Variants in ZNF516 observed in about 807,000 individuals in gnomAD.
The protein encoded by ZNF516 is zinc finger protein 516.
Under a neutral mutation model 79.7 loss-of-function variants are expected in ZNF516, and 19 were observed. The ratio of observed to expected loss-of-function variants is 0.24; its 90% CI spans 0.17 to 0.35. The LOEUF (loss-of-function observed/expected upper bound fraction) is 0.35, where lower values mean the gene tolerates loss of function less well. ZNF516 is among the 10% of genes least tolerant of loss of function. The pLI is 1.00. For synonymous variants in ZNF516, 877 were observed against 739.5 expected, an observed-to-expected ratio of 1.19 and a Z score of -3.02; for missense variants, 1,678 against 1,679.5, an observed-to-expected ratio of 1.00 and a Z score of 0.02.
intron 1 of ZNF516, among the ~76,000 whole-genome samples, chr18:76,466,751 G>A (rs1388261319): frequency 1.3e-5 from 2 of 152,214 alleles, no homozygotes; most frequent in African/African-American, 4.8e-5. Context: ...AAGTAGAGAA[G>A]GGACCCTGGA....
rs933820083 is a variant in ZNF516, at chr18:76,459,212, C to T, written c.-158+3816G>A. Among the ~76,000 whole-genome samples the T allele has an allele frequency of 6.6e-6, 1 of 152,232 alleles. No individual in the cohort carries two copies. The highest frequency in any genetic ancestry group is 1.9e-4 in the East Asian group (1 of 5,196). On this transcript the variant is annotated intron_variant, in intron 2 of 6. Transcript: ENST00000443185. The surrounding 1 kb of genome is among the most constrained non-coding windows in gnomAD (Gnocchi z 5.0). ...GCCCACCTGCTGCCCCTCTCCTGTG[C>T]ATAGGGCGCTCTCTCCCTGCCCCGA...
chr18:76,407,360 G>A (rs1875117280), intron 3 of ZNF516, among the ~76,000 whole-genome samples: 1 of 152,228 alleles, frequency 6.6e-6, no homozygotes, highest in South Asian at 2.1e-4. Context: ...AGGAGATCAA[G>A]GTTGCAGTGA....
At chr18:76,377,136 T>A (rs2074799728) in intron 4 of ZNF516, among the ~76,000 whole-genome samples, 1 of 152,224 alleles carries the variant, frequency 6.6e-6, no homozygotes, top group Admixed American at 6.5e-5. Flanking sequence ...TCAATCCACA[T>A]GGCACTGCGC....
intron 1 of ZNF516, chr18:76,492,631 A>G: frequency 1.3e-6 from 1 of 779,684 alleles, no homozygotes; most frequent in South Asian, 5.8e-5. Flanking sequence ...GGGTTCCATC[A>G]TCACCTGAAC....
At position 76,380,264 on chromosome 18, in the gene ZNF516, G is replaced by A; in HGVS notation, c.1850C>T (p.Thr617Ile). The change falls in exon 4 of 7, where the codon ACT becomes ATT. Residue 617 changes from threonine (T) to isoleucine (I), a missense_variant. This residue lies in a region of ZNF516 where 1,294 missense variants were observed against 1,248.3 expected (regional missense o/e 1.04). Transcript: ENST00000443185. ...PRRCCFSEEV[T>I]STELSSGDQS... ...GTCTCCACTGGAGAGCTCGGTCGAAGTCACCTCTTCGGAAAAGCAGCAGCG... is the reference window on the plus strand; with the variant it reads ...GTCTCCACTGGAGAGCTCGGTCGAAATCACCTCTTCGGAAAAGCAGCAGCG... 6.2e-7 allele frequency: 1 copy of A among 1,613,856 alleles called. No individual in the cohort carries two copies. Among genetic ancestry groups the A allele is most frequent in the Non-Finnish European group, 8.5e-7 (1 of 1,179,842 alleles).
intron 1 of ZNF516, chr18:76,487,869 A>G (rs538932141): frequency 1.2e-4 from 116 of 928,576 alleles, no homozygotes; most frequent in Non-Finnish European, 1.5e-4. Context: ...GGCTGCTGCC[A>G]CTACACTTTC....
intron 1 of ZNF516, among the ~76,000 whole-genome samples, chr18:76,468,635 GTC>G (rs1568318578): frequency 6.6e-6 from 1 of 151,912 alleles, no homozygotes; most frequent in Non-Finnish European, 1.5e-5. Context: ...AGCCAGGCTG[GTC>G]TCAAACTCCT....
intron 4 of ZNF516, among the ~76,000 whole-genome samples, chr18:76,375,406 G>A (rs1467697742): frequency 2.0e-5 from 3 of 152,144 alleles, no homozygotes; most frequent in Non-Finnish European, 2.9e-5. Flanking sequence ...CAGAGACCAG[G>A]TAGACAATGG....
In ZNF516 at chr18:76,378,870, C is replaced by G. The variant is rs776348428; in HGVS notation, c.3244G>C (p.Gly1082Arg). The change falls in exon 4 of 7, where the codon GGG (glycine) becomes CGG (arginine). Residue 1082 changes from glycine (G) to arginine (R), a missense_variant. Coordinates refer to ENST00000443185, the MANE Select transcript of ZNF516 (RefSeq NM_014643.4). ...CACATCTTACCTCTGTGCTCCAACC[C>G]AGGGCCGCTGACACCCCATCCCTGG... ...LYQGWGVSGP[G>R]LEHRGTLRTQ... 2 of 1,613,130 alleles carry G rather than the reference C, an allele frequency of 1.2e-6. No homozygotes were observed. Among genetic ancestry groups the G allele is most frequent in the African/African-American group, 2.7e-5 (2 of 74,926 alleles).
At chr18:76,377,219 G>A (rs1417884536) in intron 4 of ZNF516, among the ~76,000 whole-genome samples, 2 of 152,244 alleles carry the variant, frequency 1.3e-5, no homozygotes, top group Non-Finnish European at 2.9e-5. Context: ...GAGAAGATGA[G>A]GATCTAAGAC....
rs556666926 is a variant in ZNF516 at position 76,373,696 on chromosome 18, T to G, written c.3260-2125A>C. ...CTCATCCGTGCTTATTTCCTTGAAG[T>G]AAGGGTGCATGAGCACGCGTGCACA... On this transcript the variant is annotated intron_variant, in intron 4 of 6. Coordinates refer to ENST00000443185, the MANE Select transcript of ZNF516 (RefSeq NM_014643.4). Among the ~76,000 whole-genome samples the G allele has an allele frequency of 4.9e-4, 75 of 152,298 alleles. 1 individual carries two copies. Among genetic ancestry groups the G allele is most frequent in the African/African-American group, 1.8e-3 (75 of 41,536 alleles).
chr18:76,435,274 G>A (rs1220337157), intron 3 of ZNF516, among the ~76,000 whole-genome samples: 1 of 152,198 alleles, frequency 6.6e-6, no homozygotes, highest in African/African-American at 2.4e-5. Flanking sequence ...TATAATCTCT[G>A]AAGTCTAACG....
chr18:76,390,654 G>A (rs534530692), intron 3 of ZNF516, among the ~76,000 whole-genome samples: 81 of 152,290 alleles, frequency 5.3e-4, no homozygotes, highest in South Asian at 2.1e-4. Context: ...AGAGCAACCC[G>A]GGTCCCGCAG....
chr18:76,486,332 T>C (rs1168278959), intron 1 of ZNF516, among the ~76,000 whole-genome samples: 1 of 152,026 alleles, frequency 6.6e-6, no homozygotes, highest in East Asian at 1.9e-4. Context: ...GGTTAAATAG[T>C]ACCATATGGC....
intron 3 of ZNF516, among the ~76,000 whole-genome samples, chr18:76,402,571 C>A (rs2075246151): frequency 6.6e-6 from 1 of 152,228 alleles, no homozygotes; most frequent in South Asian, 2.1e-4. Flanking sequence ...GAAGACGTTG[C>A]TTCTCCAAGA....
chr18:76,435,757 C>T (rs894865651), intron 3 of ZNF516, among the ~76,000 whole-genome samples: 5 of 152,228 alleles, frequency 3.3e-5, no homozygotes, highest in African/African-American at 1.2e-4. Context: ...CAGGTAGAGC[C>T]CTGGAGAGCC....
At chr18:76,462,556 A>G (rs17270713) in intron 2 of ZNF516, among the ~76,000 whole-genome samples, 10,291 of 152,330 alleles carry the variant, frequency 0.068, 356 homozygotes, top group African/African-American at 0.091. Flanking sequence ...TGCGTTAGGC[A>G]GCTCTGCTCC....
chr18:76,491,661 G>A, intron 1 of ZNF516: 2 of 647,996 alleles, frequency 3.1e-6, no homozygotes, highest in Non-Finnish European at 3.8e-6. Flanking sequence ...AGCAACAAGC[G>A]GCCACCGCCC....
At chr18:76,434,131 C>T (rs978424736) in intron 3 of ZNF516, among the ~76,000 whole-genome samples, 8 of 152,194 alleles carry the variant, frequency 5.3e-5, no homozygotes, top group Non-Finnish European at 1.0e-4. Flanking sequence ...CCTGCCTGGT[C>T]CATGAGATGC....
Sources: gnomAD v4.1 joint callset for allele counts (sites outside exome capture counted in the v4.1 genomes callset) on GRCh38, gnomAD v4.1.1 for gene constraint, gnomAD v4.1.1 regional missense constraint, Gnocchi (gnomAD v3.1) non-coding constraint, MANE v1.5 for transcripts, NCBI Gene and HGNC (gene_info 2026-07-23, HGNC 2026-07-21) for gene names.